Variants in RD3L observed in about 807,000 individuals in gnomAD.
RD3L encodes RD3 like, also known as protein RD3-like.
A neutral mutation model predicts 12.5 loss-of-function variants in RD3L; 6 were observed. That is an observed-to-expected ratio of 0.48 (90% CI 0.26 to 0.95). RD3L has a LOEUF of 0.95. Ranked by LOEUF, RD3L falls within the 40% of genes least tolerant of loss-of-function variation. The pLI, the probability that RD3L is intolerant of heterozygous loss-of-function variation, is 0.14. For missense variants in RD3L, 234 were observed against 228.6 expected (o/e 1.02, Z -0.15); for synonymous variants, 87 against 79.3 (o/e 1.10, Z -0.52).
Position 103,941,681 on chromosome 14 carries a change from G to C in RD3L, c.15C>G (p.Gly5=). The part of the protein sequence containing the change: MPLF[G]WMKWPKNDSY... ...AATCGTTTTTGGGCCATTTCATCCAGCCAAAAAGTGGCATTTTTAGCCTAT... is the reference window on the plus strand; with the variant it reads ...AATCGTTTTTGGGCCATTTCATCCACCCAAAAAGTGGCATTTTTAGCCTAT... The change falls in exon 2 of 3, where the codon GGC becomes GGG. Residue 5 remains glycine (G), a synonymous_variant. Transcript: ENST00000557640. The C allele has an allele frequency of 6.6e-7, 1 of 1,510,396 alleles. No homozygotes were observed. Among genetic ancestry groups the C allele is most frequent in the Non-Finnish European group, 8.8e-7 (1 of 1,135,376 alleles). The allele number at this position is 1,510,396 out of a possible 1,614,324, so 93.6% of individuals were successfully genotyped here. A position where few individuals can be genotyped will look rare whatever the true frequency, so the allele number is the denominator to read the frequency against.
At position 103,941,052 on chromosome 14, in the gene RD3L, GT is replaced by G. The variant is rs1219919526; in HGVS notation, c.350del (p.Tyr117SerfsTer7). The stretch of plus-strand genomic sequence containing the variant: ...AGTCTTTCAGAACTTGCTTGAAGAT[GT>G]AGACTATTTCCCATGGCAGTACATC... Reference protein sequence around the residue: ...ENDVLPWEIVYIFKQVLKDFL... With the variant: ...ENDVLPWEIVXIFKQVLKDFL... On this transcript the variant is annotated frameshift_variant, in exon 3 of 3. Transcript: ENST00000557640. LOFTEE classifies it low-confidence loss of function (END_TRUNC). 1 of 1,535,206 alleles carries G rather than the reference GT, an allele frequency of 6.5e-7. No individual in the cohort carries two copies. The highest frequency in any genetic ancestry group is 8.7e-7 in the Non-Finnish European group (1 of 1,146,622).
Position 103,940,868 on chromosome 14 carries a change from C to G in RD3L, c.535G>C (p.Asp179His), listed in dbSNP as rs1367842093. Residue 179 changes from aspartate to histidine, a missense_variant, in exon 3 of 3, where the codon GAC becomes CAC. Transcript: ENST00000557640. ...ISSYVDKNTK[D>H]RFPVFSHRIW... ...CTGTGTGAGAACACTGGGAACCTGT[C>G]CTTTGTGTTTTTGTCTACGTAACTG... The G allele has an allele frequency of 1.3e-6, 2 of 1,535,154 alleles. No homozygotes were observed. Among genetic ancestry groups the G allele is most frequent in the African/African-American group, 2.7e-5 (2 of 72,986 alleles).
At chr14:103,941,203 C>T in intron 2 of RD3L, 100 bp from the exon 3 acceptor site, 1 of 1,053,544 alleles carries the variant, frequency 9.5e-7, no homozygotes, top group Non-Finnish European at 1.3e-6. Context: ...AGTTACCCAC[C>T]TTTTGAGTAT....
rs1441764550 is a variant in RD3L at position 103,941,122 on chromosome 14, T to C, written c.300-19A>G. ...TCGAAATCTAGAGGGGAAATGGTAA[T>C]GAATATTCAGTTTAGAACATTTTTT... On this transcript the variant is annotated intron_variant, in intron 2 of 2. Transcript: ENST00000557640. 6.6e-7 allele frequency: 1 copy of C among 1,520,280 alleles called. No individual in the cohort carries two copies. Among genetic ancestry groups the C allele is most frequent in the Admixed American group, 2.0e-5 (1 of 50,018 alleles). The allele number at this position is 1,520,280 out of a possible 1,614,324, so 94.2% of individuals were successfully genotyped here. A position where few individuals can be genotyped will look rare whatever the true frequency, so the allele number is the denominator to read the frequency against.
At position 103,940,752 on chromosome 14, in the gene RD3L, C is replaced by T. The variant is rs1482664620; in HGVS notation, c.*54G>A. 12 of 1,217,782 alleles carry T rather than the reference C, an allele frequency of 9.9e-6. No individual in the cohort carries two copies. The highest frequency in any genetic ancestry group is 4.7e-5 in the Admixed American group (2 of 42,116). The allele number at this position is 1,217,782 out of a possible 1,614,324, so 75.4% of individuals were successfully genotyped here. On this transcript the variant is annotated 3_prime_UTR_variant, in exon 3 of 3. Coordinates refer to ENST00000557640, the MANE Select transcript of RD3L (RefSeq NM_001257268.2). Reference sequence around the variant, plus strand: ...TGAAGTCACATCACTTTTTCTTATTCTTAATATTAGGAGTTCTAAGGTGTT... The same window carrying T: ...TGAAGTCACATCACTTTTTCTTATTTTTAATATTAGGAGTTCTAAGGTGTT...
rs1187447 is a variant in RD3L, at chr14:103,940,455, T to C, written c.*351A>G. ...TATTAATAATTTATTTAATTCTATATGTAGCTTCATTGTAGAATAAAAGTC... is the reference window on the plus strand; with the variant it reads ...TATTAATAATTTATTTAATTCTATACGTAGCTTCATTGTAGAATAAAAGTC... On this transcript the variant is annotated 3_prime_UTR_variant, in exon 3 of 3. Coordinates refer to ENST00000557640, the MANE Select transcript of RD3L (RefSeq NM_001257268.2). The C allele has an allele frequency of 0.96, 171,559 of 177,872 alleles. 83,055 individuals are homozygous for C. Among genetic ancestry groups the C allele is most frequent in the East Asian group, 1 (6,696 of 6,696 alleles). 11.0% of individuals were successfully genotyped at this position (177,872 alleles called of 1,614,324 possible). A position where few individuals can be genotyped will look rare whatever the true frequency, so the allele number is the denominator to read the frequency against.
chr14:103,940,790 T>C lies in RD3L; in HGVS notation c.*16A>G, dbSNP rs563086202. 3.9e-5 allele frequency: 60 copies of C among 1,519,632 alleles called. No homozygotes were observed. In the Admixed American group the frequency reaches 9.8e-4, roughly 25 times the overall value. The allele number at this position is 1,519,632 out of a possible 1,614,324, so 94.1% of individuals were successfully genotyped here. Reference sequence around the variant, plus strand: ...GTTCTAAGGTGTTCATAAAAACCCCTCTAGTTGTAAGTAACTTAACTAGAT... The same window carrying C: ...GTTCTAAGGTGTTCATAAAAACCCCCCTAGTTGTAAGTAACTTAACTAGAT... On this transcript the variant is annotated 3_prime_UTR_variant, in exon 3 of 3. Coordinates refer to ENST00000557640, the MANE Select transcript of RD3L (RefSeq NM_001257268.2).
chr14:103,942,525 A>G lies in RD3L; in HGVS notation c.-441T>C, dbSNP rs1384437299. Among the ~76,000 whole-genome samples the G allele has an allele frequency of 6.6e-6, 1 of 152,310 alleles. No individual in the cohort carries two copies. Among genetic ancestry groups the G allele is most frequent in the East Asian group, 1.9e-4 (1 of 5,184 alleles). ...ATAGATGCGCTCCGAGCTAGAGTGAAGACTGTCGCGTGATGTGATGCTTTG... is the reference window on the plus strand; with the variant it reads ...ATAGATGCGCTCCGAGCTAGAGTGAGGACTGTCGCGTGATGTGATGCTTTG... On this transcript the variant is annotated 5_prime_UTR_variant, in exon 1 of 3. Coordinates refer to ENST00000557640, the MANE Select transcript of RD3L (RefSeq NM_001257268.2).
Position 103,942,375 on chromosome 14 carries a change from A to G in RD3L, c.-291T>C, listed in dbSNP as rs570060113. 6.6e-6 allele frequency: 1 copy of G among 152,372 alleles called. No individual in the cohort carries two copies. Among genetic ancestry groups the G allele is most frequent in the East Asian group, 1.9e-4 (1 of 5,192 alleles). The allele number at this position is 152,372 out of a possible 1,614,324, so 9.4% of individuals were successfully genotyped here. On this transcript the variant is annotated 5_prime_UTR_variant, in exon 1 of 3. Coordinates refer to ENST00000557640, the MANE Select transcript of RD3L (RefSeq NM_001257268.2). ...ACTATTTAATCTTCACAAGTTATATAATGGTCTGCCTTTTCAATGTAGCTC... is the reference window on the plus strand; with the variant it reads ...ACTATTTAATCTTCACAAGTTATATGATGGTCTGCCTTTTCAATGTAGCTC...
chr14:103,941,069 G>A lies in RD3L; in HGVS notation c.334C>T (p.Pro112Ser), dbSNP rs749356254. 4.6e-6 allele frequency: 7 copies of A among 1,534,850 alleles called. No homozygotes were observed. The highest frequency in any genetic ancestry group is 2.4e-5 in the South Asian group (2 of 84,000). Residue 112 changes from proline to serine, a missense_variant, in exon 3 of 3, where the codon CCA becomes TCA. Transcript: ENST00000557640. ...TTGAAGATGTAGACTATTTCCCATG[G>A]CAGTACATCATTTTCTGCCAAAACT... ...REVLAENDVLPWEIVYIFKQV... is the reference protein window; with the variant it reads ...REVLAENDVLSWEIVYIFKQV...
In RD3L at chr14:103,940,518, C is replaced by A; in HGVS notation, c.*288G>T. The A allele has an allele frequency of 3.8e-6, 1 of 265,856 alleles. No individual in the cohort carries two copies. The allele number at this position is 265,856 out of a possible 1,614,324, so 16.5% of individuals were successfully genotyped here. A position where few individuals can be genotyped will look rare whatever the true frequency, so the allele number is the denominator to read the frequency against. ...TAAGTTTTGTACAGAATTTGTCAGACTTCATACTAAAGTTGCTTTAGTTCC... is the reference window on the plus strand; with the variant it reads ...TAAGTTTTGTACAGAATTTGTCAGAATTCATACTAAAGTTGCTTTAGTTCC... On this transcript the variant is annotated 3_prime_UTR_variant, in exon 3 of 3. Transcript: ENST00000557640.
intron 1 of RD3L, 131 bp from the exon 2 acceptor site, chr14:103,941,833 T>TA: frequency 1.5e-6 from 1 of 647,144 alleles, no homozygotes; most frequent in Non-Finnish European, 2.6e-6. Context: ...CAGGTCAAAA[T>TA]AAGATTAGAA....
chr14:103,941,519 C>T lies in RD3L; in HGVS notation c.177G>A (p.Val59=). The part of the protein sequence containing the change: ...ENEQKVKKTG[V]DYNWLRNYQN... ...GGTAGTTTCTGAGCCAGTTGTAATCCACACCTGTTTTTTTCACTTTTTGTT... is the reference window on the plus strand; with the variant it reads ...GGTAGTTTCTGAGCCAGTTGTAATCTACACCTGTTTTTTTCACTTTTTGTT... The change falls in exon 2 of 3, where the codon GTG becomes GTA. Residue 59 remains valine (V), a synonymous_variant. Coordinates refer to ENST00000557640, the MANE Select transcript of RD3L (RefSeq NM_001257268.2). 6.5e-7 allele frequency: 1 copy of T among 1,535,224 alleles called. No individual in the cohort carries two copies. The highest frequency in any genetic ancestry group is 8.7e-7 in the Non-Finnish European group (1 of 1,146,610).
In RD3L at chr14:103,940,876, T is replaced by G. The variant is rs901445731; in HGVS notation, c.527A>C (p.Asn176Thr). The G allele has an allele frequency of 2.9e-5, 45 of 1,535,368 alleles. No homozygotes were observed. The highest frequency in any genetic ancestry group is 3.7e-5 in the Non-Finnish European group (42 of 1,146,648). ...IPTISSYVDK[N>T]TKDRFPVFSH... The stretch of plus-strand genomic sequence containing the variant: ...GAACACTGGGAACCTGTCCTTTGTG[T>G]TTTTGTCTACGTAACTGGAAATGGT... The change falls in exon 3 of 3, where the codon AAC becomes ACC. Residue 176 changes from asparagine to threonine, a missense_variant. Transcript: ENST00000557640.
Position 103,940,701 on chromosome 14 carries a change from T to C in RD3L, c.*105A>G, listed in dbSNP as rs1324898324. ...TAAAACATAGGCTACATCCACAGGA[T>C]ACTGACCTTGTAACAAAGAAAAACT... On this transcript the variant is annotated 3_prime_UTR_variant, in exon 3 of 3. Coordinates refer to ENST00000557640, the MANE Select transcript of RD3L (RefSeq NM_001257268.2). 7.0e-6 allele frequency: 5 copies of C among 716,916 alleles called. No homozygotes were observed. The highest frequency in any genetic ancestry group is 1.1e-5 in the Non-Finnish European group (5 of 438,134). 44.4% of individuals were successfully genotyped at this position (716,916 alleles called of 1,614,324 possible).
chr14:103,941,845 A>G (rs76103691), intron 1 of RD3L, 143 bp from the exon 2 acceptor site: 6,372 of 626,312 alleles, frequency 0.01, 61 homozygotes, highest in Middle Eastern at 0.023. Flanking sequence ...AGATTAGAAC[A>G]TGGATTAACG....
Position 103,941,630 on chromosome 14 carries a change from G to A in RD3L, c.66C>T (p.Gly22=). ...GCAGAGTCTTTGTCACTATGTCTGA[G>A]CCAGGATAGTGTGTGGGTTTGTAGG... The part of the protein sequence containing the change: ...NDSYKPTHYP[G]SDIVTKTLLR... The change falls in exon 2 of 3, where the codon GGC becomes GGT. Residue 22 remains glycine, a synonymous_variant. Coordinates refer to ENST00000557640, the MANE Select transcript of RD3L (RefSeq NM_001257268.2). 6.5e-7 allele frequency: 1 copy of A among 1,535,178 alleles called. No homozygotes were observed. Among genetic ancestry groups the A allele is most frequent in the Non-Finnish European group, 8.7e-7 (1 of 1,146,540 alleles).
At position 103,940,776 on chromosome 14, in the gene RD3L, T is replaced by C. The variant is rs17101946; in HGVS notation, c.*30A>G. 0.026 allele frequency: 37,528 copies of C among 1,452,332 alleles called. 648 individuals carry two copies. Among genetic ancestry groups the C allele is most frequent in the East Asian group, 0.063 (2,531 of 40,450 alleles). 90.0% of individuals were successfully genotyped at this position (1,452,332 alleles called of 1,614,324 possible). A position where few individuals can be genotyped will look rare whatever the true frequency, so the allele number is the denominator to read the frequency against. On this transcript the variant is annotated 3_prime_UTR_variant, in exon 3 of 3. Coordinates refer to ENST00000557640, the MANE Select transcript of RD3L (RefSeq NM_001257268.2). Reference sequence around the variant, plus strand: ...TCTTAATATTAGGAGTTCTAAGGTGTTCATAAAAACCCCTCTAGTTGTAAG... The same window carrying C: ...TCTTAATATTAGGAGTTCTAAGGTGCTCATAAAAACCCCTCTAGTTGTAAG...
rs1170172767 is a variant in RD3L at position 103,940,736 on chromosome 14, A to G, written c.*70T>C. ...GTAACAAAGAAAAACTTGAAGTCAC[A>G]TCACTTTTTCTTATTCTTAATATTA... On this transcript the variant is annotated 3_prime_UTR_variant, in exon 3 of 3. Transcript: ENST00000557640. 2 of 1,064,740 alleles carry G rather than the reference A, an allele frequency of 1.9e-6. No individual in the cohort carries two copies. The highest frequency in any genetic ancestry group is 2.7e-6 in the Non-Finnish European group (2 of 747,582). 66.0% of individuals were successfully genotyped at this position (1,064,740 alleles called of 1,614,324 possible). A position where few individuals can be genotyped will look rare whatever the true frequency, so the allele number is the denominator to read the frequency against.
Sources: gnomAD v4.1 joint callset for allele counts (sites outside exome capture counted in the v4.1 genomes callset) on GRCh38, gnomAD v4.1.1 for gene constraint, MANE v1.5 for transcripts, NCBI Gene and HGNC (gene_info 2026-07-23, HGNC 2026-07-21) for gene names.